PAPPA: variants seen among roughly 807,000 people sequenced by gnomAD.
The protein encoded by PAPPA is pappalysin 1.
Under a neutral mutation model 164.0 loss-of-function variants are expected in PAPPA, and 60 were observed. That is an observed-to-expected ratio of 0.37 (90% CI 0.30 to 0.45). The LOEUF (loss-of-function observed/expected upper bound fraction) is 0.45, where lower values mean the gene tolerates loss of function less well. Ranked by LOEUF, PAPPA falls within the 20% of genes least tolerant of loss-of-function variation. The pLI is 1.00. For missense variants in PAPPA, 1,782 were observed against 2,087.3 expected (o/e 0.85, Z 2.85); for synonymous variants, 875 against 814.1 (o/e 1.07, Z -1.27).
rs144679400 is a variant in PAPPA at position 116,228,426 on chromosome 9, G to A, written c.2233+874G>A. Among the ~76,000 whole-genome samples the A allele has an allele frequency of 1.0e-3, 157 of 152,102 alleles. 1 individual carries two copies. Among genetic ancestry groups the A allele is most frequent in the Non-Finnish European group, 1.7e-3 (118 of 68,006 alleles). On this transcript the variant is annotated intron_variant, in intron 6 of 21. Transcript: ENST00000328252. ...ATTACACCAGTGCATCAGAGGGAGC[G>A]GAATCAGTCTTCTCACTGAACACCA...
intron 10 of PAPPA, among the ~76,000 whole-genome samples, chr9:116,311,277 A>G (rs964614468): frequency 1.3e-5 from 2 of 152,134 alleles, no homozygotes; most frequent in East Asian, 1.9e-4. Context: ...CCAAAGCATC[A>G]TTTTCAACAT....
At chr9:116,202,809 G>C (rs981368637) in intron 2 of PAPPA, among the ~76,000 whole-genome samples, 2 of 151,906 alleles carry the variant, frequency 1.3e-5, no homozygotes, top group African/African-American at 4.8e-5. Flanking sequence ...CATATTTGAG[G>C]CTCCAAAAAT....
At chr9:116,267,065 G>T (rs1000326321) in intron 8 of PAPPA, among the ~76,000 whole-genome samples, 4 of 152,170 alleles carry the variant, frequency 2.6e-5, no homozygotes, top group Non-Finnish European at 5.9e-5. Context: ...GGGAGGGGTG[G>T]TATGAAAAAA....
At chr9:116,266,994 G>A (rs929133901) in intron 8 of PAPPA, among the ~76,000 whole-genome samples, 1 of 152,192 alleles carries the variant, frequency 6.6e-6, no homozygotes, top group African/African-American at 2.4e-5. Flanking sequence ...TCATTAAATA[G>A]CACTGTTGGG....
At chr9:116,219,474 G>T (rs1210028138) in intron 4 of PAPPA, among the ~76,000 whole-genome samples, 1 of 152,188 alleles carries the variant, frequency 6.6e-6, no homozygotes, top group African/African-American at 2.4e-5. Context: ...GGAATGAGTT[G>T]GAACCAGTGA....
At chr9:116,344,318 G>A (rs1316092990) in intron 13 of PAPPA, among the ~76,000 whole-genome samples, 1 of 152,102 alleles carries the variant, frequency 6.6e-6, no homozygotes, top group Non-Finnish European at 1.5e-5. Flanking sequence ...CTTTCAAGTG[G>A]CAAGATTTGA....
At chr9:116,280,553 G>A (rs1432959862) in intron 9 of PAPPA, among the ~76,000 whole-genome samples, 2 of 152,206 alleles carry the variant, frequency 1.3e-5, no homozygotes, top group Non-Finnish European at 2.9e-5. Context: ...GGAGGGATGA[G>A]GCTGAAGTCT....
intron 7 of PAPPA, among the ~76,000 whole-genome samples, chr9:116,253,969 G>A (rs1431489300): frequency 6.6e-6 from 1 of 152,014 alleles, no homozygotes; most frequent in African/African-American, 2.4e-5. Context: ...CTACCTAAAT[G>A]GTCTTCCACC....
chr9:116,320,135 G>A (rs556785607), intron 10 of PAPPA, among the ~76,000 whole-genome samples: 4 of 152,268 alleles, frequency 2.6e-5, no homozygotes, highest in Admixed American at 1.3e-4. Context: ...ATGCTGTAGG[G>A]CAATACGTCT....
chr9:116,229,813 T>G (rs1163564308), intron 6 of PAPPA, among the ~76,000 whole-genome samples: 1 of 152,194 alleles, frequency 6.6e-6, no homozygotes, highest in Non-Finnish European at 1.5e-5. Context: ...GATGGTGGGC[T>G]GGTGAGGTCG....
intron 1 of PAPPA, among the ~76,000 whole-genome samples, chr9:116,178,112 A>C (rs1223205934): frequency 1.3e-5 from 2 of 152,020 alleles, no homozygotes; most frequent in African/African-American, 4.8e-5. Flanking sequence ...TTGTTTGTTC[A>C]TTTATTTGTT....
intron 7 of PAPPA, among the ~76,000 whole-genome samples, chr9:116,250,703 A>G (rs972021644): frequency 4.6e-5 from 7 of 152,252 alleles, no homozygotes; most frequent in Non-Finnish European, 1.0e-4. Context: ...ATTGAAGATC[A>G]TCTATGCCAG....
At chr9:116,370,163 C>T (rs1309578363) in intron 19 of PAPPA, among the ~76,000 whole-genome samples, 2 of 152,124 alleles carry the variant, frequency 1.3e-5, no homozygotes, top group East Asian at 3.9e-4. Flanking sequence ...CTTTTATCCC[C>T]GGGGTAAGAG....
intron 19 of PAPPA, among the ~76,000 whole-genome samples, chr9:116,374,545 C>G (rs1846624782): frequency 6.6e-6 from 1 of 152,200 alleles, no homozygotes; most frequent in South Asian, 2.1e-4. Flanking sequence ...AATCCAAAAG[C>G]CTTGGAAAGA....
chr9:116,347,233 T>G lies in PAPPA; in HGVS notation c.3964+24T>G, dbSNP rs1222796819. 1 of 1,582,484 alleles carries G rather than the reference T, an allele frequency of 6.3e-7. No homozygotes were observed. ...AGGTATCAAGAACGCCTTCCCCAGC[T>G]CAGCCTTCCTTTGTCTATGGGAAAC... is the stretch of plus-strand genomic sequence containing the variant. On this transcript the variant is annotated intron_variant, in intron 15 of 21. Transcript: ENST00000328252. The surrounding 1 kb of genome is among the most constrained non-coding windows in gnomAD (Gnocchi z 4.5).
intron 21 of PAPPA, among the ~76,000 whole-genome samples, chr9:116,387,855 C>G (rs546168314): frequency 6.6e-6 from 1 of 152,200 alleles, no homozygotes; most frequent in Non-Finnish European, 1.5e-5. Flanking sequence ...CTTGCCCAAG[C>G]GTCTTGTCCT....
chr9:116,344,506 G>A, intron 13 of PAPPA, 37 bp from the exon 14 acceptor site: 1 of 1,595,946 alleles, frequency 6.3e-7, no homozygotes, highest in Non-Finnish European at 8.6e-7. Flanking sequence ...TGTCCTGTGA[G>A]GAGACTCCTT....
At chr9:116,323,986 CG>C (rs1461457874) in intron 10 of PAPPA, among the ~76,000 whole-genome samples, 9 of 152,164 alleles carry the variant, frequency 5.9e-5, no homozygotes, top group Admixed American at 3.9e-4. Context: ...CACTCCACTC[CG>C]GGGCAGACCT....
At chr9:116,205,286 A>G (rs928831736) in intron 2 of PAPPA, among the ~76,000 whole-genome samples, 3 of 152,104 alleles carry the variant, frequency 2.0e-5, no homozygotes, top group African/African-American at 7.2e-5. Flanking sequence ...TGGCTTCTGC[A>G]ATTACCACTG....
Sources: gnomAD v4.1 joint callset for allele counts (sites outside exome capture counted in the v4.1 genomes callset) on GRCh38, gnomAD v4.1.1 for gene constraint, Gnocchi (gnomAD v3.1) non-coding constraint, MANE v1.5 for transcripts, NCBI Gene and HGNC (gene_info 2026-07-23, HGNC 2026-07-21) for gene names.